TMEM182: variants seen among roughly 807,000 people sequenced by gnomAD.
TMEM182 encodes the protein transmembrane protein 182.
In TMEM182, 20 loss-of-function variants were observed where a neutral mutation model predicts 26.8. That is an observed-to-expected ratio of 0.75 (90% CI 0.53 to 1.09). The LOEUF (loss-of-function observed/expected upper bound fraction) is 1.09. Ranked by LOEUF, TMEM182 falls within the 50% of genes least tolerant of loss-of-function variation. The pLI, the probability that TMEM182 is intolerant of heterozygous loss-of-function variation, is 0.00. For missense variants in TMEM182, 277 were observed against 275.5 expected (o/e 1.01, Z -0.04); for synonymous variants, 109 against 102.2 (o/e 1.07, Z -0.40).
Position 102,814,937 on chromosome 2 carries a change from T to G in TMEM182, c.659T>G (p.Val220Gly). The G allele has an allele frequency of 1.2e-6, 2 of 1,613,984 alleles. No homozygotes were observed. The highest frequency in any genetic ancestry group is 1.7e-6 in the Non-Finnish European group (2 of 1,179,950). ...TTGCTAGCTGGATTACTATTTCTGG[T>G]TGTTGGATGGCATATTCAGATACAT... The part of the protein sequence containing the change: ...FSLLAGLLFL[V>G]VGWHIQIHH The change falls in exon 5 of 5, where the codon GTT (valine) becomes GGT (glycine). Residue 220 changes from valine (V) to glycine (G), a missense_variant. Coordinates refer to ENST00000412401, the MANE Select transcript of TMEM182 (RefSeq NM_144632.5).
rs1682732052 is a variant in TMEM182, at chr2:102,816,027, T to C, written c.*1059T>C. The C allele has an allele frequency of 2.0e-6, 2 of 984,870 alleles. No individual in the cohort carries two copies. Among genetic ancestry groups the C allele is most frequent in the Non-Finnish European group, 2.4e-6 (2 of 829,414 alleles). 61.0% of individuals were successfully genotyped at this position (984,870 alleles called of 1,614,324 possible). A position where few individuals can be genotyped will look rare whatever the true frequency, so the allele number is the denominator to read the frequency against. On this transcript the variant is annotated 3_prime_UTR_variant, in exon 5 of 5. Coordinates refer to ENST00000412401, the MANE Select transcript of TMEM182 (RefSeq NM_144632.5). ...AATTTCTTCATCTTTACAATAGATA[T>C]ATTAACATTTACAGATCGACTATTT...
chr2:102,805,063 A>C (rs923897718), intron 4 of TMEM182, among the ~76,000 whole-genome samples: 2 of 152,240 alleles, frequency 1.3e-5, no homozygotes, highest in African/African-American at 4.8e-5. Flanking sequence ...CATTTTCCAC[A>C]AATGTCAAAT....
chr2:102,827,115 C>G (rs1455351011), intron 3 of TMEM182, among the ~76,000 whole-genome samples: 1 of 152,192 alleles, frequency 6.6e-6, no homozygotes, highest in Non-Finnish European at 1.5e-5. Context: ...TATTTGGCAG[C>G]TATTTATAGC....
At chr2:102,788,480 C>T (rs1416312935) in intron 3 of TMEM182, among the ~76,000 whole-genome samples, 1 of 151,872 alleles carries the variant, frequency 6.6e-6, no homozygotes, top group African/African-American at 2.4e-5. Context: ...GCTCTGTGAC[C>T]TTGAGGATTC....
At chr2:102,791,226 G>A (rs891320834) in intron 3 of TMEM182, among the ~76,000 whole-genome samples, 2 of 152,046 alleles carry the variant, frequency 1.3e-5, no homozygotes, top group African/African-American at 4.8e-5. Context: ...ATGAGCCACC[G>A]TGCCCAGCCT....
At chr2:102,768,674 C>A (rs1680558840) in intron 3 of TMEM182, among the ~76,000 whole-genome samples, 1 of 152,038 alleles carries the variant, frequency 6.6e-6, no homozygotes, top group South Asian at 2.1e-4. Context: ...GCACTCCAGC[C>A]TGGGCAACAG....
chr2:102,796,787 C>T (rs781418272), intron 3 of TMEM182, among the ~76,000 whole-genome samples: 3 of 152,154 alleles, frequency 2.0e-5, no homozygotes, highest in Non-Finnish European at 4.4e-5. Flanking sequence ...ACTGAAGTGA[C>T]TCCTCTTCTC....
Position 102,762,186 on chromosome 2 carries a change from A to G in TMEM182, c.-32A>G. Reference sequence around the variant, plus strand: ...GTGTCTTACCATTTTAAAATTTCATATTTTATTTAAAAGGAAACCAGTGAA... The same window carrying G: ...GTGTCTTACCATTTTAAAATTTCATGTTTTATTTAAAAGGAAACCAGTGAA... On this transcript the variant is annotated 5_prime_UTR_variant, in exon 1 of 5. The change creates a new upstream start codon in the 5' untranslated region. Coordinates refer to ENST00000412401, the MANE Select transcript of TMEM182 (RefSeq NM_144632.5). 2 of 1,547,668 alleles carry G rather than the reference A, an allele frequency of 1.3e-6. No homozygotes were observed. The highest frequency in any genetic ancestry group is 2.4e-5 in the East Asian group (1 of 41,634).
At chr2:102,806,219 G>T (rs954850596) in intron 4 of TMEM182, among the ~76,000 whole-genome samples, 1 of 151,438 alleles carries the variant, frequency 6.6e-6, no homozygotes, top group Non-Finnish European at 1.5e-5. Flanking sequence ...TTACATTTTC[G>T]TGTATGGAAA....
intron 3 of TMEM182, among the ~76,000 whole-genome samples, chr2:102,838,458 T>C (rs1199724654): frequency 6.6e-6 from 1 of 152,106 alleles, no homozygotes; most frequent in African/African-American, 2.4e-5. Flanking sequence ...GGGCTGAAAA[T>C]TCAGCTGCAG....
intron 3 of TMEM182, among the ~76,000 whole-genome samples, chr2:102,824,208 T>TATCTTATGCTG: frequency 6.6e-6 from 1 of 152,214 alleles, no homozygotes; most frequent in Non-Finnish European, 1.5e-5. Flanking sequence ...TAAATGACTA[T>TATCTTATGCTG]ATCTTATGCT....
chr2:102,759,879 G>T (rs966204226), upstream of TMEM182, among the ~76,000 whole-genome samples: 1 of 152,170 alleles, frequency 6.6e-6, no homozygotes, highest in Non-Finnish European at 1.5e-5. Flanking sequence ...CCCTTTTGCT[G>T]TGGTCACCTT....
At chr2:102,741,920 C>T (rs1377168131) in intron 1 of TMEM182, among the ~76,000 whole-genome samples, 1 of 152,118 alleles carries the variant, frequency 6.6e-6, no homozygotes, top group Non-Finnish European at 1.5e-5. Context: ...AAACCTCATA[C>T]AAAAAGCCTG....
At chr2:102,789,159 C>T (rs890343808) in intron 3 of TMEM182, among the ~76,000 whole-genome samples, 6 of 152,210 alleles carry the variant, frequency 3.9e-5, no homozygotes, top group Non-Finnish European at 8.8e-5. Flanking sequence ...TTTTATAGCA[C>T]TTCACACTGC....
At chr2:102,787,381 ACT>A (rs1420294668) in intron 3 of TMEM182, among the ~76,000 whole-genome samples, 1 of 151,836 alleles carries the variant, frequency 6.6e-6, no homozygotes, top group Admixed American at 6.6e-5. Flanking sequence ...AAGAGAATGA[ACT>A]CTCTCCTCCT....
chr2:102,766,572 G>T (rs1434805804), intron 3 of TMEM182, among the ~76,000 whole-genome samples: 2 of 151,986 alleles, frequency 1.3e-5, no homozygotes, highest in Non-Finnish European at 2.9e-5. Context: ...GTTAAATTTG[G>T]GGTTTTTTTG....
upstream of TMEM182, chr2:102,761,818 A>T (rs1386131396): frequency 1.1e-5 from 2 of 189,956 alleles, no homozygotes; most frequent in Non-Finnish European, 2.2e-5. Flanking sequence ...ATGACTTCAT[A>T]ACCATTCCAT....
intron 1 of TMEM182, among the ~76,000 whole-genome samples, chr2:102,739,902 T>C (rs544620388): frequency 3.9e-5 from 6 of 152,272 alleles, no homozygotes; most frequent in African/African-American, 1.2e-4. Flanking sequence ...TAAAATCCTT[T>C]GTCTCTGATC....
intron 4 of TMEM182, among the ~76,000 whole-genome samples, chr2:102,813,457 C>T (rs1433883206): frequency 6.6e-6 from 1 of 152,194 alleles, no homozygotes; most frequent in African/African-American, 2.4e-5. Context: ...CAGTTCAACT[C>T]ATTAATTCAA....
Sources: allele counts gnomAD v4.1 joint callset (sites outside exome capture counted in the v4.1 genomes callset), GRCh38; gene constraint gnomAD v4.1.1; transcripts MANE v1.5; gene names NCBI Gene and HGNC (gene_info 2026-07-23, HGNC 2026-07-21).